Variants in DLEC1 observed in about 807,000 individuals in gnomAD.
DLEC1 encodes DLEC1 cilia and flagella associated protein.
In DLEC1, 146 loss-of-function variants were observed where a neutral mutation model predicts 198.1. The ratio of observed to expected loss-of-function variants is 0.74; its 90% CI spans 0.64 to 0.85. The LOEUF (loss-of-function observed/expected upper bound fraction) is 0.85, where lower values mean the gene tolerates loss of function less well. DLEC1 is among the 40% of genes least tolerant of loss of function. The pLI is 0.00. For synonymous variants in DLEC1, 897 were observed against 866.8 expected (o/e 1.03, Z -0.61); for missense variants, 2,233 against 2,220.0 (o/e 1.01, Z -0.12).
intron 23 of DLEC1, among the ~76,000 whole-genome samples, chr3:38,110,962 G>T (rs1699847383): frequency 6.6e-6 from 1 of 151,666 alleles, no homozygotes; most frequent in Non-Finnish European, 1.5e-5. Flanking sequence ...ACATACATAT[G>T]CACATACATA....
chr3:38,122,660 T>A lies in DLEC1; in HGVS notation c.*248T>A, dbSNP rs1161276616. The A allele has an allele frequency of 6.9e-7, 1 of 1,458,264 alleles. No homozygotes were observed. Among genetic ancestry groups the A allele is most frequent in the African/African-American group, 1.4e-5 (1 of 70,812 alleles). 90.3% of individuals were successfully genotyped at this position (1,458,264 alleles called of 1,614,324 possible). On this transcript the variant is annotated 3_prime_UTR_variant, in exon 37 of 37. Coordinates refer to ENST00000308059, the MANE Select transcript of DLEC1 (RefSeq NM_007335.4). ...CACATTGAGATCACTACTCAGTGCA[T>A]AGCGAAGACCAGTATGGCAAAATTA...
At chr3:38,045,748 A>C (rs1700860497) in intron 2 of DLEC1, 55 bp downstream of exon 2, 1 of 1,542,646 alleles carries the variant, frequency 6.5e-7, no homozygotes, top group Non-Finnish European at 8.7e-7. Context: ...TTGATATTTC[A>C]CTGTGTTTGC....
intron 13 of DLEC1, 98 bp downstream of exon 13, chr3:38,095,169 C>T (rs1698946086): frequency 2.1e-6 from 3 of 1,459,224 alleles, no homozygotes; most frequent in South Asian, 2.6e-5. Flanking sequence ...CAGCTGGGCC[C>T]ACCGAGGTGC....
intron 19 of DLEC1, 151 bp downstream of exon 19, chr3:38,100,576 G>T (rs777284656): frequency 2.4e-5 from 28 of 1,171,506 alleles, no homozygotes; most frequent in Non-Finnish European, 1.0e-5. Context: ...TTACAGAAAA[G>T]AAACTCAAAA....
rs752783894 is a variant in DLEC1, at chr3:38,094,915, G to A, written c.1956G>A (p.Lys652=). The A allele has an allele frequency of 3.7e-6, 6 of 1,614,154 alleles. No individual in the cohort carries two copies. In the Admixed American group the frequency reaches 1.0e-4, roughly 27 times the overall value. Residue 652 remains lysine (K), a synonymous_variant, in exon 13 of 37, where the codon AAG becomes AAA. Coordinates refer to ENST00000308059, the MANE Select transcript of DLEC1 (RefSeq NM_007335.4). The part of the protein sequence containing the change: ...VELAFYWQIM[K]PNLQPLMPGE... ...TGGCCTTCTACTGGCAGATCATGAAGCCCAACCTGCAGCCCCTCATGCCTG... is the reference window on the plus strand; with the variant it reads ...TGGCCTTCTACTGGCAGATCATGAAACCCAACCTGCAGCCCCTCATGCCTG...
In DLEC1 at chr3:38,122,955, G is replaced by A; in HGVS notation, c.*543G>A. The A allele has an allele frequency of 7.5e-7, 1 of 1,336,468 alleles. No homozygotes were observed. Among genetic ancestry groups the A allele is most frequent in the Admixed American group, 1.7e-5 (1 of 58,204 alleles). The allele number at this position is 1,336,468 out of a possible 1,614,324, so 82.8% of individuals were successfully genotyped here. A position where few individuals can be genotyped will look rare whatever the true frequency, so the allele number is the denominator to read the frequency against. On this transcript the variant is annotated 3_prime_UTR_variant, in exon 37 of 37. Coordinates refer to ENST00000308059, the MANE Select transcript of DLEC1 (RefSeq NM_007335.4). ...CCACTGCCACCACCACCAGTGCTGAGTTTTCCCATGTGGTTTTGCTTTTGT... is the reference window on the plus strand; with the variant it reads ...CCACTGCCACCACCACCAGTGCTGAATTTTCCCATGTGGTTTTGCTTTTGT...
intron 10 of DLEC1, 102 bp from the exon 11 acceptor site, chr3:38,092,688 A>G (rs1367753826): frequency 1.9e-6 from 2 of 1,049,328 alleles, no homozygotes; most frequent in East Asian, 2.4e-5. Flanking sequence ...CAGAGAGTGA[A>G]GAGCAAAGAA....
intron 8 of DLEC1, 24 bp from the exon 9 acceptor site, chr3:38,086,217 G>T: frequency 1.3e-6 from 2 of 1,594,130 alleles, no homozygotes; most frequent in Middle Eastern, 1.7e-4. Flanking sequence ...TGTTTCTCTT[G>T]CACATGTTCT....
chr3:38,101,175 C>T (rs1193283500), intron 19 of DLEC1, among the ~76,000 whole-genome samples: 3 of 152,214 alleles, frequency 2.0e-5, no homozygotes, highest in South Asian at 2.1e-4. Flanking sequence ...ATTCATTTTC[C>T]TGCTGGGCAT....
At chr3:38,099,852 G>A (rs1007937768) in intron 18 of DLEC1, among the ~76,000 whole-genome samples, 1 of 152,104 alleles carries the variant, frequency 6.6e-6, no homozygotes. Flanking sequence ...GAAAGACCAC[G>A]TGGGTGCAAA....
intron 1 of DLEC1, among the ~76,000 whole-genome samples, chr3:38,044,082 CA>C (rs1434283541): frequency 6.6e-6 from 1 of 151,678 alleles, no homozygotes; most frequent in African/African-American, 2.4e-5. Context: ...CCCATCTCTA[CA>C]AAAAAATTTA....
intron 7 of DLEC1, among the ~76,000 whole-genome samples, chr3:38,084,488 GGTGGTAGTAGTAGTGGTAGTAGTAGTA>G (rs1698296230): frequency 6.7e-5 from 1 of 14,852 alleles, no homozygotes; most frequent in Non-Finnish European, 1.5e-4. Flanking sequence ...TGGTAGTAGT[GGTGGTAGTAGTAGTGGTAGTAGTAGTA>G]GTGGTAGTAG....
intron 6 of DLEC1, among the ~76,000 whole-genome samples, chr3:38,082,843 G>T (rs1406844970): frequency 1.3e-5 from 2 of 152,196 alleles, no homozygotes; most frequent in Non-Finnish European, 2.9e-5. Context: ...TCCCTGCGTG[G>T]TCTGACACCT....
At chr3:38,065,010 C>T (rs1009706123) in intron 6 of DLEC1, among the ~76,000 whole-genome samples, 6 of 152,274 alleles carry the variant, frequency 3.9e-5, no homozygotes, top group African/African-American at 9.6e-5. Context: ...GAGGTTGTAG[C>T]GAGCCGAGAT....
rs935431496 is a variant in DLEC1, at chr3:38,057,407, G to A, written c.563-2335G>A. ...CTCAGGCAGCTGAGGTAGGAGAAGC[G>A]CTTGAACCCAGGAAGCAGAAGTTGC... On this transcript the variant is annotated intron_variant, in intron 2 of 36. Transcript: ENST00000308059. Among the ~76,000 whole-genome samples, 4 of 152,130 alleles carry A rather than the reference G, an allele frequency of 2.6e-5. No individual in the cohort carries two copies. In the South Asian group the frequency reaches 6.2e-4, roughly 24 times the overall value.
chr3:38,094,825 G>C, intron 12 of DLEC1, 54 bp from the exon 13 acceptor site: 1 of 1,586,576 alleles, frequency 6.3e-7, no homozygotes. Context: ...ATGGGGTGGA[G>C]GGACCTGGTC....
At chr3:38,061,669 T>G (rs1307284030) in intron 3 of DLEC1, among the ~76,000 whole-genome samples, 2 of 150,614 alleles carry the variant, frequency 1.3e-5, no homozygotes, top group Admixed American at 1.3e-4. Flanking sequence ...TTTGTTGTTG[T>G]TTGTTTGTTT....
intron 3 of DLEC1, among the ~76,000 whole-genome samples, chr3:38,061,557 A>C (rs1281210055): frequency 2.0e-5 from 3 of 152,230 alleles, no homozygotes. Flanking sequence ...TTCAGAAAGC[A>C]TGCTCATGTA....
intron 2 of DLEC1, among the ~76,000 whole-genome samples, chr3:38,054,809 C>G (rs998933344): frequency 3.3e-5 from 5 of 152,196 alleles, no homozygotes; most frequent in Non-Finnish European, 5.9e-5. Context: ...CATGAGCTCA[C>G]AGGTAAAATT....
Sources: allele counts gnomAD v4.1 joint callset (sites outside exome capture counted in the v4.1 genomes callset), GRCh38; gene constraint gnomAD v4.1.1; transcripts MANE v1.5; gene names NCBI Gene and HGNC (gene_info 2026-07-23, HGNC 2026-07-21).